The following SUGCT variants were observed in gnomAD, a reference collection of about 807,000 sequenced individuals.
The protein encoded by SUGCT is succinyl-CoA:glutarate CoA-transferase.
A neutral mutation model predicts 55.0 loss-of-function variants in SUGCT; 41 were observed. That is an observed-to-expected ratio of 0.74 (90% CI 0.58 to 0.97). The LOEUF (loss-of-function observed/expected upper bound fraction) is 0.97. Among genes scored for constraint, SUGCT ranks in the 50% least tolerant of loss-of-function variants. SUGCT has a pLI of 0.00. For missense variants in SUGCT, 568 were observed against 547.8 expected, an observed-to-expected ratio of 1.04 and a Z score of -0.37; for synonymous variants, 187 against 200.4, an observed-to-expected ratio of 0.93 and a Z score of 0.56.
chr7:40,884,363 C>CT, the SUGCT span, among the ~76,000 whole-genome samples: 1 of 152,304 alleles, frequency 6.6e-6, no homozygotes, highest in Admixed American at 6.5e-5. Flanking sequence ...AATATGTTTC[C>CT]TTTGCTCATA....
intron 12 of SUGCT, among the ~76,000 whole-genome samples, chr7:40,595,162 C>T (rs1797935084): frequency 1.3e-5 from 2 of 152,164 alleles, no homozygotes; most frequent in South Asian, 4.1e-4. Context: ...TCCGCCACAA[C>T]TCTGTGAAAA....
rs570297421 is a variant in SUGCT at position 40,557,079 on chromosome 7, T to C, written c.1089+60693T>C. Among the ~76,000 whole-genome samples, 4 of 152,246 alleles carry C rather than the reference T, an allele frequency of 2.6e-5. No individual in the cohort carries two copies. The South Asian group carries it at 6.2e-4, about 24-fold the overall frequency. ...AAGGTGGAAGACTCACACTTCCAAA[T>C]TGCAAAATTTACTTCAAAGCTATAG... On this transcript the variant is annotated intron_variant, in intron 12 of 13. Coordinates refer to ENST00000335693, the MANE Select transcript of SUGCT (RefSeq NM_001193313.2).
intron 1 of SUGCT, among the ~76,000 whole-genome samples, chr7:40,156,072 G>T (rs539135871): frequency 6.6e-6 from 1 of 152,036 alleles, no homozygotes; most frequent in Admixed American, 6.5e-5. Flanking sequence ...GGCCAGGCTG[G>T]TCTCGAACTC....
intron 11 of SUGCT, among the ~76,000 whole-genome samples, chr7:40,483,766 C>A (rs1791186126): frequency 6.6e-6 from 1 of 151,756 alleles, no homozygotes; most frequent in Non-Finnish European, 1.5e-5. Flanking sequence ...TGAAAAGATG[C>A]TTAATTTCTC....
chr7:41,034,327 C>A, the SUGCT span, among the ~76,000 whole-genome samples: 1 of 152,146 alleles, frequency 6.6e-6, no homozygotes, highest in African/African-American at 2.4e-5. Context: ...AGAGAATTCT[C>A]ATTTTCCATG....
intron 10 of SUGCT, among the ~76,000 whole-genome samples, chr7:40,457,485 T>G (rs1341529708): frequency 6.6e-6 from 1 of 152,174 alleles, no homozygotes; most frequent in Non-Finnish European, 1.5e-5. Context: ...CTAGTTGGAA[T>G]ATTTCACATT....
chr7:40,414,109 A>G (rs1356890889), intron 9 of SUGCT, among the ~76,000 whole-genome samples: 1 of 152,214 alleles, frequency 6.6e-6, no homozygotes, highest in Non-Finnish European at 1.5e-5. Flanking sequence ...TAAATCTACA[A>G]AATAGATTAT....
At chr7:40,295,663 T>C (rs1024379179) in intron 8 of SUGCT, among the ~76,000 whole-genome samples, 1 of 152,212 alleles carries the variant, frequency 6.6e-6, no homozygotes, top group Non-Finnish European at 1.5e-5. Context: ...AATATTTTCT[T>C]TTAGTGGTAT....
At chr7:40,944,745 A>C in the SUGCT span, among the ~76,000 whole-genome samples, 3 of 149,676 alleles carry the variant, frequency 2.0e-5, no homozygotes, top group South Asian at 6.4e-4. Flanking sequence ...TGACTTGGCA[A>C]TGCGGGCTCT....
intron 13 of SUGCT, among the ~76,000 whole-genome samples, chr7:40,831,966 A>T (rs1224911749): frequency 6.6e-6 from 1 of 152,188 alleles, no homozygotes; most frequent in East Asian, 1.9e-4. Context: ...TAGAACACTT[A>T]TATAGTAGTA....
chr7:40,768,551 C>T (rs1177316327), intron 13 of SUGCT, among the ~76,000 whole-genome samples: 1 of 152,156 alleles, frequency 6.6e-6, no homozygotes, highest in Non-Finnish European at 1.5e-5. Context: ...CCCACTCTAT[C>T]TTTCTATGAC....
intron 13 of SUGCT, among the ~76,000 whole-genome samples, chr7:40,815,598 C>T (rs1791629865): frequency 6.6e-6 from 1 of 152,112 alleles, no homozygotes; most frequent in East Asian, 1.9e-4. Flanking sequence ...AGGCAAGCAT[C>T]CTGGAGATTT....
intron 12 of SUGCT, among the ~76,000 whole-genome samples, chr7:40,683,683 C>T (rs1784348813): frequency 6.6e-6 from 1 of 152,174 alleles, no homozygotes; most frequent in Admixed American, 6.5e-5. Context: ...ACAATCTCTG[C>T]AGTGAATTTT....
chr7:40,827,621 C>T (rs544970180), intron 13 of SUGCT, among the ~76,000 whole-genome samples: 2 of 152,242 alleles, frequency 1.3e-5, no homozygotes, highest in African/African-American at 2.4e-5. Flanking sequence ...CCACGAGGCT[C>T]ATTTCTCCTC....
At chr7:40,586,898 G>C (rs1386490677) in intron 12 of SUGCT, among the ~76,000 whole-genome samples, 3 of 152,046 alleles carry the variant, frequency 2.0e-5, no homozygotes, top group African/African-American at 7.2e-5. Context: ...TCTTTTAACT[G>C]GTAAATGAGT....
chr7:40,883,071 A>G, the SUGCT span, among the ~76,000 whole-genome samples: 1 of 152,232 alleles, frequency 6.6e-6, no homozygotes, highest in South Asian at 2.1e-4. Flanking sequence ...CCTAACTGAA[A>G]GCATGAGATT....
chr7:40,315,566 A>G (rs1482131000), intron 8 of SUGCT, among the ~76,000 whole-genome samples: 2 of 152,356 alleles, frequency 1.3e-5, no homozygotes, highest in South Asian at 4.1e-4. Context: ...AAAGTAAAGG[A>G]GAATGGCTGC....
chr7:40,935,376 C>T, the SUGCT span, among the ~76,000 whole-genome samples: 1 of 152,190 alleles, frequency 6.6e-6, no homozygotes, highest in Non-Finnish European at 1.5e-5. Context: ...CCCAAAGAAA[C>T]TCCATATCAT....
the SUGCT span, among the ~76,000 whole-genome samples, chr7:40,971,265 A>T: frequency 6.6e-6 from 1 of 152,142 alleles, no homozygotes; most frequent in Non-Finnish European, 1.5e-5. Flanking sequence ...CCCACTCAGC[A>T]TGAAGAGGAT....
Sources: gnomAD v4.1 joint callset for allele counts (sites outside exome capture counted in the v4.1 genomes callset) on GRCh38, gnomAD v4.1.1 for gene constraint, MANE v1.5 for transcripts, NCBI Gene and HGNC (gene_info 2026-07-23, HGNC 2026-07-21) for gene names.